MSH4: variants seen among roughly 807,000 people sequenced by gnomAD.
MSH4 encodes mutS homolog 4.
MSH4 carries 106 observed loss-of-function variants against 113.7 expected under a neutral mutation model. The ratio of observed to expected loss-of-function variants is 0.93; its 90% CI spans 0.80 to 1.10. The LOEUF (loss-of-function observed/expected upper bound fraction) is 1.10. Among genes scored for constraint, MSH4 ranks in the 50% least tolerant of loss-of-function variants. MSH4 has a pLI of 0.00. For missense variants in MSH4, 1,061 were observed against 1,093.7 expected, an observed-to-expected ratio of 0.97 and a Z score of 0.42; for synonymous variants, 368 against 380.2, an observed-to-expected ratio of 0.97 and a Z score of 0.37.
At chr1:75,863,158 T>G (rs1651495446) in intron 8 of MSH4, among the ~76,000 whole-genome samples, 1 of 152,160 alleles carries the variant, frequency 6.6e-6, no homozygotes, top group Admixed American at 6.6e-5. Context: ...AAGTATATGA[T>G]TCCTTCTTTG....
intron 7 of MSH4, among the ~76,000 whole-genome samples, chr1:75,828,814 A>G (rs1650615240): frequency 6.6e-6 from 1 of 152,142 alleles, no homozygotes; most frequent in Non-Finnish European, 1.5e-5. Context: ...ATTTTTTTTA[A>G]AAAGGAAAAG....
At chr1:75,861,818 G>A (rs1651461931) in intron 8 of MSH4, among the ~76,000 whole-genome samples, 1 of 152,228 alleles carries the variant, frequency 6.6e-6, no homozygotes, top group Admixed American at 6.5e-5. Flanking sequence ...ATGCAGGGAC[G>A]TTTAAGTCTG....
At chr1:75,842,121 C>CAACT (rs1453224292) in intron 7 of MSH4, among the ~76,000 whole-genome samples, 2 of 152,152 alleles carry the variant, frequency 1.3e-5, no homozygotes, top group African/African-American at 4.8e-5. Flanking sequence ...AAAGGCAGGA[C>CAACT]AACTCAAAGC....
chr1:75,870,079 G>C (rs1455852214), intron 9 of MSH4, among the ~76,000 whole-genome samples: 1 of 152,212 alleles, frequency 6.6e-6, no homozygotes, highest in Non-Finnish European at 1.5e-5. Flanking sequence ...TCTTGCATCA[G>C]TGTGACCTGT....
At chr1:75,878,081 C>G in intron 10 of MSH4, 68 bp from the exon 11 acceptor site, 1 of 1,211,362 alleles carries the variant, frequency 8.3e-7, no homozygotes, top group Non-Finnish European at 1.1e-6. Flanking sequence ...AATTGTGATT[C>G]AAATTATAAA....
Position 75,903,088 on chromosome 1 carries a change from A to G in MSH4, c.2619+3382A>G, listed in dbSNP as rs138698937. Among the ~76,000 whole-genome samples the G allele has an allele frequency of 6.3e-3, 953 of 151,674 alleles. 15 individuals are homozygous for G. The highest frequency in any genetic ancestry group is 0.035 in the Admixed American group (532 of 15,196). ...GTGTATTTTTGCTTTTATTGCCTGC[A>G]CATTTGAGGTTTTACCCAAAAAGTC... is the stretch of plus-strand genomic sequence containing the variant. On this transcript the variant is annotated intron_variant, in intron 19 of 19. Coordinates refer to ENST00000263187, the MANE Select transcript of MSH4 (RefSeq NM_002440.4).
At position 75,864,913 on chromosome 1, in the gene MSH4, A is replaced by G. The variant is rs1016436731; in HGVS notation, c.1231-2601A>G. Among the ~76,000 whole-genome samples, 18 of 152,308 alleles carry G rather than the reference A, an allele frequency of 1.2e-4. 1 individual carries two copies. Among genetic ancestry groups the G allele is most frequent in the Admixed American group, 9.1e-4 (14 of 15,304 alleles). On this transcript the variant is annotated intron_variant, in intron 8 of 19. Coordinates refer to ENST00000263187, the MANE Select transcript of MSH4 (RefSeq NM_002440.4). Reference sequence around the variant, plus strand: ...TGCTTTCTGAAGAATTTCTCTGGCCATAAGAGAGGCTGGAGGGTATTAGGG... The same window carrying G: ...TGCTTTCTGAAGAATTTCTCTGGCCGTAAGAGAGGCTGGAGGGTATTAGGG...
intron 17 of MSH4, among the ~76,000 whole-genome samples, chr1:75,891,077 T>TTCA (rs1652240506): frequency 6.6e-6 from 1 of 152,180 alleles, no homozygotes; most frequent in Non-Finnish European, 1.5e-5. Context: ...TGGCTTTAAT[T>TTCA]TCATCAAATT....
chr1:75,831,129 G>A (rs187396209), intron 7 of MSH4, among the ~76,000 whole-genome samples: 1 of 152,066 alleles, frequency 6.6e-6, no homozygotes, highest in East Asian at 1.9e-4. Context: ...AAAAAGCAGG[G>A]GTTGCAATCC....
At chr1:75,875,646 T>C (rs1651802681) in intron 9 of MSH4, among the ~76,000 whole-genome samples, 2 of 152,140 alleles carry the variant, frequency 1.3e-5, no homozygotes, top group South Asian at 4.1e-4. Flanking sequence ...AAAATACAGC[T>C]TACAGTAACC....
intron 19 of MSH4, among the ~76,000 whole-genome samples, chr1:75,907,875 C>A (rs1461255181): frequency 6.6e-6 from 1 of 150,392 alleles, no homozygotes; most frequent in South Asian, 2.1e-4. Context: ...TGCCACCGTG[C>A]CTGTCTAATT....
rs1652199085 is a variant in MSH4 at position 75,889,298 on chromosome 1, AT to A, written c.2160del (p.Phe720LeufsTer18). 1 of 1,541,406 alleles carries A rather than the reference AT, an allele frequency of 6.5e-7. No homozygotes were observed. Among genetic ancestry groups the A allele is most frequent in the Non-Finnish European group, 8.9e-7 (1 of 1,126,442 alleles). Reference sequence around the variant, plus strand: ...TTCTTCCTTTAGAATTGCTAAACAGATTTTTACAAGAATTAGTACTGATGAT... The same window carrying A: ...TTCTTCCTTTAGAATTGCTAAACAGATTTTACAAGAATTAGTACTGATGAT... ...EYSSFRIAKQ[I>X]FTRISTDDDI... On this transcript the variant is annotated frameshift_variant, in exon 16 of 20. Coordinates refer to ENST00000263187, the MANE Select transcript of MSH4 (RefSeq NM_002440.4). LOFTEE classifies it high-confidence loss of function.
chr1:75,878,359 C>T lies in MSH4; in HGVS notation c.1540+41C>T, dbSNP rs147605488. On this transcript the variant is annotated intron_variant, in intron 11 of 19. Coordinates refer to ENST00000263187, the MANE Select transcript of MSH4 (RefSeq NM_002440.4). ...GATAATGTTTTTTGTAGGGATAAAACAGCCTTTTCAGGACATGCTGTCCTT... is the reference window on the plus strand; with the variant it reads ...GATAATGTTTTTTGTAGGGATAAAATAGCCTTTTCAGGACATGCTGTCCTT... The T allele has an allele frequency of 2.7e-6, 4 of 1,476,446 alleles. No individual in the cohort carries two copies. The East Asian group carries it at 7.2e-5, about 26-fold the overall frequency. 91.5% of individuals were successfully genotyped at this position (1,476,446 alleles called of 1,614,324 possible).
intron 15 of MSH4, among the ~76,000 whole-genome samples, chr1:75,886,578 G>A (rs7538918): frequency 0.63 from 53,951 of 85,546 alleles, 14,825 homozygotes; most frequent in East Asian, 0.96. Flanking sequence ...AAGTTATTAT[G>A]TATAATATAT....
intron 9 of MSH4, among the ~76,000 whole-genome samples, chr1:75,875,671 T>C (rs576996504): frequency 2.0e-5 from 3 of 152,240 alleles, no homozygotes; most frequent in South Asian, 4.1e-4. Flanking sequence ...AATCAAAATA[T>C]AGCATTATAG....
In MSH4 at chr1:75,859,939, G is replaced by A. The variant is rs1370654096; in HGVS notation, c.1231-7575G>A. 2.6e-5 allele frequency among the ~76,000 whole-genome samples: 4 copies of A among 152,106 alleles called. No individual in the cohort carries two copies. In the East Asian group the frequency reaches 5.8e-4, roughly 22 times the overall value. Reference sequence around the variant, plus strand: ...CTAAGAACTTGCTTTATGAATCTGGGTGCTCCTGTATTGGGTGTGTATATA... The same window carrying A: ...CTAAGAACTTGCTTTATGAATCTGGATGCTCCTGTATTGGGTGTGTATATA... On this transcript the variant is annotated intron_variant, in intron 8 of 19. Coordinates refer to ENST00000263187, the MANE Select transcript of MSH4 (RefSeq NM_002440.4).
chr1:75,813,215 C>T (rs537240744), intron 4 of MSH4, among the ~76,000 whole-genome samples: 15 of 152,226 alleles, frequency 9.9e-5, no homozygotes, highest in African/African-American at 2.9e-4. Flanking sequence ...GTTTCTCACA[C>T]GTTAGAGTAA....
chr1:75,806,573 T>A (rs780279854), intron 2 of MSH4, among the ~76,000 whole-genome samples: 1 of 152,122 alleles, frequency 6.6e-6, no homozygotes, highest in Non-Finnish European at 1.5e-5. Context: ...ATGTTTCTAG[T>A]TCTTTTTTAA....
At chr1:75,854,011 G>GTATATATATATATATATATATA (rs72458089) in intron 8 of MSH4, among the ~76,000 whole-genome samples, 3,206 of 111,438 alleles carry the variant, frequency 0.029, 179 homozygotes, top group Middle Eastern at 0.053. Flanking sequence ...AAGTGTGTGT[G>GTATATATATATATATATATATA]TGTATATATA....
Sources: allele counts gnomAD v4.1 joint callset (sites outside exome capture counted in the v4.1 genomes callset), GRCh38; gene constraint gnomAD v4.1.1; transcripts MANE v1.5; gene names NCBI Gene and HGNC (gene_info 2026-07-23, HGNC 2026-07-21).